The following PALM2AKAP2 variants were observed in gnomAD, a reference collection of about 807,000 sequenced individuals.
PALM2AKAP2 encodes PALM2-AKAP2 fusion protein.
In PALM2AKAP2, 37 loss-of-function variants were observed where a neutral mutation model predicts 71.5. The observed-to-expected ratio is 0.52, with a 90% CI of 0.40 to 0.68. The LOEUF is 0.68. PALM2AKAP2 is among the 30% of genes least tolerant of loss of function. PALM2AKAP2 has a pLI of 0.00. For synonymous variants in PALM2AKAP2, 468 were observed against 478.8 expected (o/e 0.98, Z 0.29); for missense variants, 1,224 against 1,191.8 (o/e 1.03, Z -0.40).
chr9:110,138,520 A>T (rs140643568), exon 2 of PALM2AKAP2: 1 of 1,607,252 alleles, frequency 6.2e-7, no homozygotes, highest in Non-Finnish European at 8.5e-7. Flanking sequence ...CCTCCAGAAC[A>T]TGCTACAAAA....
intron 7 of PALM2AKAP2, among the ~76,000 whole-genome samples, chr9:110,017,289 T>C (rs1177382880): frequency 6.6e-6 from 1 of 152,208 alleles, no homozygotes; most frequent in African/African-American, 2.4e-5. Context: ...ATGTTACAAA[T>C]GGTAGAGAAA....
chr9:109,666,944 G>A (rs1019399161), intron 1 of PALM2AKAP2, among the ~76,000 whole-genome samples: 1 of 152,184 alleles, frequency 6.6e-6, no homozygotes, highest in Non-Finnish European at 1.5e-5. Context: ...GAAAATAAAT[G>A]TTTAGAAAGG....
chr9:109,996,860 G>A (rs986925756), intron 6 of PALM2AKAP2, among the ~76,000 whole-genome samples: 5 of 152,204 alleles, frequency 3.3e-5, no homozygotes, highest in Non-Finnish European at 7.3e-5. Flanking sequence ...GCACATAAAT[G>A]TCTAAGAGTG....
chr9:109,693,882 A>T (rs916499173), intron 1 of PALM2AKAP2, among the ~76,000 whole-genome samples: 1 of 152,064 alleles, frequency 6.6e-6, no homozygotes, highest in South Asian at 2.1e-4. Flanking sequence ...TATACTTGAA[A>T]TGAATATACA....
intron 6 of PALM2AKAP2, among the ~76,000 whole-genome samples, chr9:109,971,283 C>CTTTTTTTTT (rs11392589): frequency 3.1e-4 from 14 of 45,680 alleles, no homozygotes; most frequent in African/African-American, 1.4e-3. Flanking sequence ...CTCTTAGTCC[C>CTTTTTTTTT]TTTTTTTTTT....
intron 6 of PALM2AKAP2, among the ~76,000 whole-genome samples, chr9:109,982,046 C>T (rs533821830): frequency 6.6e-6 from 1 of 152,232 alleles, no homozygotes; most frequent in Admixed American, 6.5e-5. Context: ...TGGAAGCAAC[C>T]TAAATGTCCA....
intron 1 of PALM2AKAP2, among the ~76,000 whole-genome samples, chr9:109,771,741 G>A (rs558710115): frequency 6.6e-6 from 1 of 152,282 alleles, no homozygotes; most frequent in South Asian, 2.1e-4. Context: ...AGGCATTAGA[G>A]GAGGAAAGAT....
At chr9:110,067,215 C>G (rs1348916140) in intron 1 of PALM2AKAP2, among the ~76,000 whole-genome samples, 2 of 152,066 alleles carry the variant, frequency 1.3e-5, no homozygotes, top group African/African-American at 4.8e-5. Context: ...CATGGCTGAT[C>G]TCTCAATTAA....
At chr9:109,778,722 G>A (rs1259873426), upstream of PALM2AKAP2, among the ~76,000 whole-genome samples, 2 of 151,892 alleles carry the variant, frequency 1.3e-5, no homozygotes, top group Admixed American at 1.3e-4. Flanking sequence ...AGTTGAAATG[G>A]AAGCATTTAT....
chr9:109,825,478 A>G (rs1047173727), intron 1 of PALM2AKAP2, among the ~76,000 whole-genome samples: 5 of 152,266 alleles, frequency 3.3e-5, no homozygotes, highest in African/African-American at 4.8e-5. Flanking sequence ...ACGAAGGGCT[A>G]ATATCCAGAA....
chr9:109,946,302 G>T (rs1319902364), intron 6 of PALM2AKAP2: 1 of 152,114 alleles, frequency 6.6e-6, no homozygotes, highest in Non-Finnish European at 1.5e-5. Context: ...CAGGGTATTT[G>T]GTTACATAAC....
At chr9:110,018,764 T>C (rs796490365) in intron 7 of PALM2AKAP2, among the ~76,000 whole-genome samples, 9 of 152,342 alleles carry the variant, frequency 5.9e-5, no homozygotes, top group African/African-American at 2.2e-4. Flanking sequence ...AAAATGCTTG[T>C]TTCTATCTTC....
At chr9:109,689,480 G>A (rs574260941) in intron 1 of PALM2AKAP2, among the ~76,000 whole-genome samples, 18 of 152,232 alleles carry the variant, frequency 1.2e-4, no homozygotes, top group African/African-American at 2.9e-4. Flanking sequence ...GATTACAGGC[G>A]TGAGCCACTG....
intron 1 of PALM2AKAP2, chr9:109,847,523 C>A (rs1323698960): frequency 6.6e-6 from 1 of 152,258 alleles, no homozygotes. Flanking sequence ...GGGCAGATCA[C>A]AATGTCAGGA....
At chr9:109,662,737 G>T (rs905114119) in intron 1 of PALM2AKAP2, among the ~76,000 whole-genome samples, 15 of 152,154 alleles carry the variant, frequency 9.9e-5, no homozygotes, top group Non-Finnish European at 1.6e-4. Context: ...AGTTTCAGAA[G>T]GAATGGTACC....
intron 6 of PALM2AKAP2, chr9:109,945,940 A>G (rs1831494329): frequency 6.6e-6 from 1 of 152,266 alleles, no homozygotes; most frequent in African/African-American, 2.4e-5. Context: ...AGCAAATTAT[A>G]TGAATTCGAG....
intron 1 of PALM2AKAP2, among the ~76,000 whole-genome samples, chr9:109,762,809 A>G (rs1433990365): frequency 6.6e-6 from 1 of 152,226 alleles, no homozygotes; most frequent in African/African-American, 2.4e-5. Flanking sequence ...CTTGGCAGAC[A>G]TGGCTTTCCT....
intron 2 of PALM2AKAP2, among the ~76,000 whole-genome samples, chr9:110,151,025 AAC>A (rs1836298753): frequency 6.6e-6 from 1 of 152,238 alleles, no homozygotes; most frequent in Non-Finnish European, 1.5e-5. Flanking sequence ...AGTTAAAAAA[AAC>A]ACAGTGCTGA....
chr9:109,641,823 G>A (rs747707281), intron 1 of PALM2AKAP2, among the ~76,000 whole-genome samples: 5 of 152,122 alleles, frequency 3.3e-5, no homozygotes, highest in Non-Finnish European at 1.5e-5. Flanking sequence ...CAGGACCTTC[G>A]TACCAAACCC....
Sources: gnomAD v4.1 joint callset for allele counts (sites outside exome capture counted in the v4.1 genomes callset) on GRCh38, gnomAD v4.1.1 for gene constraint, MANE v1.5 for transcripts, NCBI Gene and HGNC (gene_info 2026-07-23, HGNC 2026-07-21) for gene names.